Variants in GOLM2 observed in about 807,000 individuals in gnomAD.
GOLM2 encodes the protein golgi membrane protein 2.
GOLM2 carries 26 observed loss-of-function variants against 55.9 expected under a neutral mutation model. The observed-to-expected ratio is 0.47, with a 90% CI of 0.34 to 0.65. The LOEUF is 0.65. Ranked by LOEUF, GOLM2 falls within the 30% of genes least tolerant of loss-of-function variation. GOLM2 has a pLI of 0.01. For missense variants in GOLM2, 486 were observed against 531.8 expected, an observed-to-expected ratio of 0.91 and a Z score of 0.85; for synonymous variants, 165 against 194.6, an observed-to-expected ratio of 0.85 and a Z score of 1.27.
At chr15:44,339,449 C>T (rs892166134) in intron 6 of GOLM2, among the ~76,000 whole-genome samples, 1 of 151,914 alleles carries the variant, frequency 6.6e-6, no homozygotes, top group Non-Finnish European at 1.5e-5. Context: ...AGCATTTCTC[C>T]TGCCTCATCC....
chr15:44,341,408 T>G (rs2079089882), intron 6 of GOLM2, among the ~76,000 whole-genome samples: 1 of 151,996 alleles, frequency 6.6e-6, no homozygotes, highest in South Asian at 2.1e-4. Flanking sequence ...AAGTTAAAAT[T>G]TTATCATTAT....
intron 6 of GOLM2, among the ~76,000 whole-genome samples, chr15:44,369,679 CAT>C (rs1206905117): frequency 5.2e-5 from 6 of 114,366 alleles, no homozygotes; most frequent in African/African-American, 1.8e-4. Flanking sequence ...TATATACACA[CAT>C]ATATATATGC....
At chr15:44,297,867 C>CTTTTTTT (rs370282797) in intron 1 of GOLM2, among the ~76,000 whole-genome samples, 1 of 109,290 alleles carries the variant, frequency 9.1e-6, no homozygotes. Context: ...CGCACCTGGC[C>CTTTTTTT]TTTTTTTTTT....
At chr15:44,403,541 A>T (rs1342302366) in intron 9 of GOLM2, among the ~76,000 whole-genome samples, 1 of 152,130 alleles carries the variant, frequency 6.6e-6, no homozygotes, top group Non-Finnish European at 1.5e-5. Flanking sequence ...GGAATTTGTA[A>T]ATCTGTAAAT....
At chr15:44,413,259 G>T in intron 9 of GOLM2, 77 bp from the exon 10 acceptor site, 1 of 1,061,472 alleles carries the variant, frequency 9.4e-7, no homozygotes, top group South Asian at 1.4e-5. Flanking sequence ...TTAAGGCTAT[G>T]AAAAACTGAG....
chr15:44,296,364 C>T (rs1482411911), intron 1 of GOLM2, among the ~76,000 whole-genome samples: 1 of 152,232 alleles, frequency 6.6e-6, no homozygotes, highest in Non-Finnish European at 1.5e-5. Context: ...CATACACACA[C>T]ATACACACAC....
At chr15:44,359,743 A>G (rs1271538714) in intron 6 of GOLM2, among the ~76,000 whole-genome samples, 9 of 152,212 alleles carry the variant, frequency 5.9e-5, no homozygotes, top group African/African-American at 1.7e-4. Context: ...TCCAAGACAC[A>G]TAATTGTCAG....
intron 1 of GOLM2, among the ~76,000 whole-genome samples, chr15:44,305,179 T>C (rs559853926): frequency 1.3e-5 from 2 of 152,264 alleles, no homozygotes; most frequent in South Asian, 4.2e-4. Flanking sequence ...TTTGTATTTT[T>C]TGTAGAGGTG....
chr15:44,352,906 C>CAA (rs1243759883), intron 6 of GOLM2, among the ~76,000 whole-genome samples: 3 of 102,626 alleles, frequency 2.9e-5, no homozygotes, highest in African/African-American at 3.4e-5. Context: ...AACTCCATCT[C>CAA]AAAAAAAAAA....
chr15:44,342,934 T>C (rs1390524214), intron 6 of GOLM2, among the ~76,000 whole-genome samples: 1 of 152,246 alleles, frequency 6.6e-6, no homozygotes, highest in Non-Finnish European at 1.5e-5. Context: ...TTTGCCCTTA[T>C]ATGTAAAATA....
chr15:44,359,123 C>G (rs559443847), intron 6 of GOLM2, among the ~76,000 whole-genome samples: 5 of 151,530 alleles, frequency 3.3e-5, no homozygotes, highest in African/African-American at 7.3e-5. Context: ...GCACTCCAGC[C>G]TGGGTGACAG....
chr15:44,379,629 T>A (rs2079388176), intron 6 of GOLM2, 61 bp from the exon 7 acceptor site: 2 of 688,088 alleles, frequency 2.9e-6, no homozygotes, highest in Non-Finnish European at 4.7e-6. Flanking sequence ...TTTTTTTTTT[T>A]TTTTTTTTTA....
At position 44,323,005 on chromosome 15, in the gene GOLM2, T is replaced by C; in HGVS notation, c.368T>C (p.Ile123Thr). The change falls in exon 2 of 10, where the codon ATA becomes ACA. Residue 123 changes from isoleucine (I) to threonine (T), a missense_variant. Transcript: ENST00000299957. ...QNNISYQMAD[I>T]HHLKEQLAEL... The stretch of plus-strand genomic sequence containing the variant: ...AACATATCGTATCAGATGGCAGACA[T>C]ACATCATTTAAAGGGTAAGAACCTT... 1 of 1,577,642 alleles carries C rather than the reference T, an allele frequency of 6.3e-7. No homozygotes were observed. The highest frequency in any genetic ancestry group is 8.6e-7 in the Non-Finnish European group (1 of 1,165,370).
chr15:44,385,486 G>A (rs2079438172), intron 8 of GOLM2, among the ~76,000 whole-genome samples: 1 of 151,516 alleles, frequency 6.6e-6, no homozygotes, highest in Non-Finnish European at 1.5e-5. Context: ...CCTTTTCTGT[G>A]TACTTTCTGG....
At chr15:44,291,458 A>G (rs913846717) in intron 1 of GOLM2, among the ~76,000 whole-genome samples, 1 of 152,102 alleles carries the variant, frequency 6.6e-6, no homozygotes, top group East Asian at 1.9e-4. Flanking sequence ...CCATCTACCT[A>G]TTTTTTCATA....
intron 1 of GOLM2, among the ~76,000 whole-genome samples, chr15:44,314,298 C>A (rs2078894208): frequency 6.6e-6 from 1 of 151,410 alleles, no homozygotes; most frequent in African/African-American, 2.4e-5. Flanking sequence ...GTGGCTCACA[C>A]CTGTAATCCC....
chr15:44,399,922 G>C (rs917859825), intron 8 of GOLM2, among the ~76,000 whole-genome samples: 1 of 151,660 alleles, frequency 6.6e-6, no homozygotes, highest in Non-Finnish European at 1.5e-5. Flanking sequence ...TTGAACCCAG[G>C]AGGTGGAGGT....
At chr15:44,391,640 A>G (rs1279199140) in intron 8 of GOLM2, among the ~76,000 whole-genome samples, 1 of 152,144 alleles carries the variant, frequency 6.6e-6, no homozygotes, top group African/African-American at 2.4e-5. Context: ...AATAATATTA[A>G]AGGACACATG....
At chr15:44,305,507 C>T (rs916594510) in intron 1 of GOLM2, among the ~76,000 whole-genome samples, 2 of 152,004 alleles carry the variant, frequency 1.3e-5, no homozygotes, top group Admixed American at 1.3e-4. Flanking sequence ...CCATGTTGCC[C>T]AGGCCCGTCT....
Sources: gnomAD v4.1 joint callset for allele counts (sites outside exome capture counted in the v4.1 genomes callset) on GRCh38, gnomAD v4.1.1 for gene constraint, MANE v1.5 for transcripts, NCBI Gene and HGNC (gene_info 2026-07-23, HGNC 2026-07-21) for gene names.